The following KCNIP1 variants were observed in gnomAD, a reference collection of about 807,000 sequenced individuals.
KCNIP1 encodes potassium voltage-gated channel interacting protein 1.
Under a neutral mutation model 33.0 loss-of-function variants are expected in KCNIP1, and 18 were observed. The ratio of observed to expected loss-of-function variants is 0.55; its 90% CI spans 0.38 to 0.81. The LOEUF is 0.81. Ranked by LOEUF, KCNIP1 falls within the 30% of genes least tolerant of loss-of-function variation. KCNIP1 has a pLI of 0.00. For synonymous variants in KCNIP1, 93 were observed against 98.3 expected (o/e 0.95, Z 0.32); for missense variants, 238 against 271.6 (o/e 0.88, Z 0.87).
intron 1 of KCNIP1, among the ~76,000 whole-genome samples, chr5:170,674,408 G>T (rs1762052003): frequency 6.6e-6 from 1 of 152,140 alleles, no homozygotes; most frequent in Non-Finnish European, 1.5e-5. Flanking sequence ...GTTACATTTT[G>T]TTCAAAGCAA....
chr5:170,569,682 T>C (rs190809763), intron 1 of KCNIP1, among the ~76,000 whole-genome samples: 1 of 152,124 alleles, frequency 6.6e-6, no homozygotes, highest in African/African-American at 2.4e-5. Context: ...AGTTCAAGGC[T>C]GCAGGGAGCT....
chr5:170,496,383 C>T (rs780913172), intron 1 of KCNIP1, among the ~76,000 whole-genome samples: 5 of 152,190 alleles, frequency 3.3e-5, no homozygotes, highest in East Asian at 1.9e-4. Flanking sequence ...GTGTGAGCTC[C>T]GGAGTCAGAC....
intron 1 of KCNIP1, among the ~76,000 whole-genome samples, chr5:170,513,931 G>A (rs1235815364): frequency 1.3e-5 from 2 of 152,206 alleles, no homozygotes; most frequent in East Asian, 1.9e-4. Context: ...TAGGAGTCCT[G>A]TAATGGTTTC....
At position 170,459,336 on chromosome 5, in the gene KCNIP1, A is replaced by T. The variant is rs184248036; in HGVS notation, c.88+105372A>T. On this transcript the variant is annotated intron_variant, in intron 1 of 7. Coordinates refer to the KCNIP1 transcript ENST00000377360. ...TGGATTTAAAGTATATCCTGGAACAAATGGACTTAACAGATATTTATAGAA... is the reference window on the plus strand; with the variant it reads ...TGGATTTAAAGTATATCCTGGAACATATGGACTTAACAGATATTTATAGAA... 1.9e-3 allele frequency among the ~76,000 whole-genome samples: 295 copies of T among 152,304 alleles called. 2 individuals are homozygous for T. Among genetic ancestry groups the T allele is most frequent in the African/African-American group, 7.0e-3 (291 of 41,570 alleles).
intron 1 of KCNIP1, among the ~76,000 whole-genome samples, chr5:170,595,590 G>C (rs1443742409): frequency 6.6e-6 from 1 of 152,204 alleles, no homozygotes; most frequent in Admixed American, 6.5e-5. Context: ...TGAGTGCGTA[G>C]GTTTCAGAAT....
intron 1 of KCNIP1, among the ~76,000 whole-genome samples, chr5:170,510,426 G>A (rs1439822639): frequency 6.6e-6 from 1 of 152,188 alleles, no homozygotes; most frequent in Non-Finnish European, 1.5e-5. Flanking sequence ...GTGTGAGAAT[G>A]CGGCGGTGCA....
intron 1 of KCNIP1, among the ~76,000 whole-genome samples, chr5:170,365,241 C>T (rs527809372): frequency 6.6e-6 from 1 of 152,132 alleles, no homozygotes; most frequent in Non-Finnish European, 1.5e-5. Flanking sequence ...GCAGAGCTGG[C>T]CTTGAATCTG....
intron 1 of KCNIP1, among the ~76,000 whole-genome samples, chr5:170,708,012 C>T (rs537383147): frequency 6.6e-6 from 1 of 152,200 alleles, no homozygotes; most frequent in East Asian, 1.9e-4. Context: ...GCTGAGCACT[C>T]CTGGGGCTCA....
intron 1 of KCNIP1, among the ~76,000 whole-genome samples, chr5:170,495,158 G>A (rs1168917026): frequency 6.6e-6 from 1 of 152,176 alleles, no homozygotes; most frequent in Non-Finnish European, 1.5e-5. Flanking sequence ...ATGTTTTGGG[G>A]TGGGCTTACG....
At chr5:170,432,300 A>G (rs1333023926) in intron 1 of KCNIP1, among the ~76,000 whole-genome samples, 1 of 152,232 alleles carries the variant, frequency 6.6e-6, no homozygotes, top group African/African-American at 2.4e-5. Flanking sequence ...GGTTTTAACT[A>G]GAAACAAGAG....
At chr5:170,359,238 C>A (rs1198550513) in intron 1 of KCNIP1, among the ~76,000 whole-genome samples, 1 of 152,186 alleles carries the variant, frequency 6.6e-6, no homozygotes, top group Non-Finnish European at 1.5e-5. Context: ...TCCCTTCTTA[C>A]AGGCCAAGTG....
chr5:170,597,784 A>AATAG (rs1433551163), intron 1 of KCNIP1, among the ~76,000 whole-genome samples: 18 of 134,474 alleles, frequency 1.3e-4, no homozygotes, highest in African/African-American at 5.5e-4. Context: ...GAGAGAGATA[A>AATAG]ATATATATAT....
chr5:170,480,889 A>G (rs984609014), intron 1 of KCNIP1, among the ~76,000 whole-genome samples: 3 of 152,270 alleles, frequency 2.0e-5, no homozygotes, highest in African/African-American at 7.2e-5. Flanking sequence ...GTTGTATTCA[A>G]AATTCACTCT....
intron 1 of KCNIP1, among the ~76,000 whole-genome samples, chr5:170,601,086 A>T (rs1319192487): frequency 1.3e-5 from 2 of 152,242 alleles, no homozygotes; most frequent in Non-Finnish European, 2.9e-5. Context: ...AATGGCAAAG[A>T]TTCTAAAGAT....
chr5:170,508,173 G>A (rs1185180494), intron 1 of KCNIP1, among the ~76,000 whole-genome samples: 3 of 152,208 alleles, frequency 2.0e-5, no homozygotes, highest in Non-Finnish European at 2.9e-5. Flanking sequence ...GGGGTGGCTG[G>A]GTTAGAAATC....
intron 1 of KCNIP1, among the ~76,000 whole-genome samples, chr5:170,536,609 G>T (rs1253932758): frequency 6.6e-6 from 1 of 152,216 alleles, no homozygotes; most frequent in African/African-American, 2.4e-5. Flanking sequence ...CCAAGGTGGA[G>T]TGAGGGGAGG....
chr5:170,413,742 AG>A (rs892235151), intron 1 of KCNIP1, among the ~76,000 whole-genome samples: 6 of 152,116 alleles, frequency 3.9e-5, no homozygotes, highest in Admixed American at 1.3e-4. Flanking sequence ...CCTCCCTCTC[AG>A]CACAGACTGG....
At chr5:170,612,179 G>T (rs981216694) in intron 1 of KCNIP1, among the ~76,000 whole-genome samples, 4 of 152,158 alleles carry the variant, frequency 2.6e-5, no homozygotes, top group African/African-American at 9.7e-5. Flanking sequence ...TGACAACATT[G>T]AAGGCTTGCA....
chr5:170,395,258 CT>C (rs1326794538), intron 1 of KCNIP1, among the ~76,000 whole-genome samples: 2 of 152,172 alleles, frequency 1.3e-5, no homozygotes, highest in East Asian at 1.9e-4. Context: ...TTGCCAGCAT[CT>C]GTTATTTTTT....
Sources: gnomAD v4.1 joint callset for allele counts (sites outside exome capture counted in the v4.1 genomes callset) on GRCh38, gnomAD v4.1.1 for gene constraint, MANE v1.5 for transcripts, NCBI Gene and HGNC (gene_info 2026-07-23, HGNC 2026-07-21) for gene names.